Variants in EYS observed in about 807,000 individuals in gnomAD.
EYS encodes the protein EGF-like photoreceptor maintenance factor.
Under a neutral mutation model 282.1 loss-of-function variants are expected in EYS, and 250 were observed. That is an observed-to-expected ratio of 0.89 (90% confidence interval 0.80 to 0.98). The LOEUF is 0.98. Among genes scored for constraint, EYS ranks in the 50% least tolerant of loss-of-function variants. The pLI is 0.00. For missense variants in EYS, 4,016 were observed against 3,709.0 expected (o/e 1.08, Z -2.15); for synonymous variants, 1,355 against 1,282.9 (o/e 1.06, Z -1.20).
intron 12 of EYS, among the ~76,000 whole-genome samples, chr6:65,272,144 G>A (rs951890048): frequency 1.3e-5 from 2 of 152,092 alleles, no homozygotes; most frequent in Non-Finnish European, 2.9e-5. Flanking sequence ...TTCTAAATTT[G>A]AGACAAATAT....
At chr6:63,949,506 T>G (rs1054515861) in intron 35 of EYS, among the ~76,000 whole-genome samples, 13 of 152,228 alleles carry the variant, frequency 8.5e-5, no homozygotes, top group African/African-American at 2.9e-4. Context: ...AGGTGCCTCC[T>G]AAAGCTCATA....
At chr6:63,920,439 CA>C (rs1396542700) in intron 35 of EYS, among the ~76,000 whole-genome samples, 1 of 152,088 alleles carries the variant, frequency 6.6e-6, no homozygotes, top group Non-Finnish European at 1.5e-5. Context: ...CTCCTTTAGA[CA>C]ACAACTCCTG....
intron 15 of EYS, among the ~76,000 whole-genome samples, chr6:64,930,679 A>G (rs1768690354): frequency 1.3e-5 from 2 of 152,120 alleles, no homozygotes; most frequent in Admixed American, 6.6e-5. Flanking sequence ...TAAGGTATTT[A>G]TTTAAATACT....
chr6:64,942,434 G>T (rs545037167), intron 15 of EYS, among the ~76,000 whole-genome samples: 23 of 142,126 alleles, frequency 1.6e-4, no homozygotes, highest in African/African-American at 5.8e-4. Context: ...CCAGAAGTTG[G>T]TTTTTTGAAA....
chr6:64,794,771 T>C (rs12663566), intron 22 of EYS, among the ~76,000 whole-genome samples: 14,490 of 152,114 alleles, frequency 0.095, 888 homozygotes, highest in East Asian at 0.26. Flanking sequence ...AATGGGACAA[T>C]TCAAATAATC....
At chr6:65,465,503 C>T (rs552677577) in intron 5 of EYS, among the ~76,000 whole-genome samples, 1 of 151,504 alleles carries the variant, frequency 6.6e-6, no homozygotes, top group African/African-American at 2.4e-5. Flanking sequence ...AAACACCAAC[C>T]AAACAAACAA....
chr6:65,184,209 A>C (rs1217504867), intron 12 of EYS, among the ~76,000 whole-genome samples: 1 of 151,948 alleles, frequency 6.6e-6, no homozygotes, highest in African/African-American at 2.4e-5. Context: ...TAAGGAGCAG[A>C]AATGTATAGG....
chr6:63,736,637 G>A (rs1768920766), intron 41 of EYS, among the ~76,000 whole-genome samples: 1 of 152,194 alleles, frequency 6.6e-6, no homozygotes, highest in Non-Finnish European at 1.5e-5. Flanking sequence ...GTCATTGGTA[G>A]CTTGATGGGG....
chr6:65,324,393 T>G (rs1769561232), intron 11 of EYS, among the ~76,000 whole-genome samples: 1 of 152,156 alleles, frequency 6.6e-6, no homozygotes, highest in African/African-American at 2.4e-5. Context: ...AGATTTCCAG[T>G]TCACATCTTC....
intron 30 of EYS, among the ~76,000 whole-genome samples, chr6:64,252,617 T>A (rs1410650073): frequency 1.3e-5 from 2 of 152,196 alleles, no homozygotes; most frequent in Non-Finnish European, 2.9e-5. Context: ...TGGTTCTGCC[T>A]CTTGAGGAGT....
chr6:64,473,654 C>A (rs1776186137), intron 26 of EYS, among the ~76,000 whole-genome samples: 1 of 152,090 alleles, frequency 6.6e-6, no homozygotes, highest in Admixed American at 6.6e-5. Flanking sequence ...TGTTCCATTA[C>A]CTTTTGATAG....
intron 33 of EYS, among the ~76,000 whole-genome samples, chr6:64,019,207 G>T (rs147629979): frequency 9.1e-4 from 139 of 152,228 alleles, no homozygotes; most frequent in South Asian, 4.4e-3. Context: ...AATGCCCTCA[G>T]TTGGCAGACG....
chr6:65,399,917 G>C (rs1430702279), intron 7 of EYS, among the ~76,000 whole-genome samples: 1 of 151,960 alleles, frequency 6.6e-6, no homozygotes, highest in African/African-American at 2.4e-5. Flanking sequence ...ATGACCTCCA[G>C]TTGCCCAATT....
intron 22 of EYS, among the ~76,000 whole-genome samples, chr6:64,793,806 T>G (rs1046298502): frequency 2.6e-5 from 4 of 152,136 alleles, no homozygotes; most frequent in Admixed American, 1.3e-4. Flanking sequence ...ATCTGTTTTT[T>G]TTTGTTTGTT....
chr6:63,766,242 A>G (rs990860577), intron 40 of EYS, among the ~76,000 whole-genome samples: 4 of 152,052 alleles, frequency 2.6e-5, no homozygotes, highest in African/African-American at 4.8e-5. Flanking sequence ...CTGTATTCCA[A>G]TGAATTTTAG....
At chr6:65,508,950 T>G (rs928432158) in intron 2 of EYS, among the ~76,000 whole-genome samples, 2 of 152,138 alleles carry the variant, frequency 1.3e-5, no homozygotes, top group African/African-American at 4.8e-5. Flanking sequence ...GAAAAGCCTC[T>G]GAAAGTGTGG....
intron 2 of EYS, among the ~76,000 whole-genome samples, chr6:65,620,341 T>C (rs938686386): frequency 1.3e-5 from 2 of 152,224 alleles, no homozygotes; most frequent in African/African-American, 2.4e-5. Context: ...TTTATTTGCG[T>C]AGAGGTGTTT....
At chr6:64,559,132 G>A (rs1432315223) in intron 26 of EYS, among the ~76,000 whole-genome samples, 2 of 151,944 alleles carry the variant, frequency 1.3e-5, no homozygotes, top group Non-Finnish European at 2.9e-5. Flanking sequence ...CTCAATTTTT[G>A]CAAACCTTTT....
intron 2 of EYS, among the ~76,000 whole-genome samples, chr6:65,535,746 A>C (rs1005742894): frequency 2.0e-5 from 3 of 152,140 alleles, no homozygotes; most frequent in Admixed American, 6.6e-5. Context: ...CAACTGATTA[A>C]ATGATGCCCA....
Sources: gnomAD v4.1 joint callset for allele counts (sites outside exome capture counted in the v4.1 genomes callset) on GRCh38, gnomAD v4.1.1 for gene constraint, MANE v1.5 for transcripts, NCBI Gene and HGNC (gene_info 2026-07-23, HGNC 2026-07-21) for gene names.